NALF1: variants seen among roughly 807,000 people sequenced by gnomAD.
The protein encoded by NALF1 is family with sequence similarity 155 member A.
NALF1 carries 3 observed loss-of-function variants against 48.4 expected under a neutral mutation model. That is an observed-to-expected ratio of 0.06 (90% CI 0.03 to 0.16). The LOEUF (loss-of-function observed/expected upper bound fraction) is 0.16, where lower values mean the gene tolerates loss of function less well. Among genes scored for constraint, NALF1 ranks in the 10% least tolerant of loss-of-function variants. NALF1 has a pLI of 1.00. For missense variants in NALF1, 526 were observed against 571.5 expected (o/e 0.92, Z 0.81); for synonymous variants, 262 against 245.7 (o/e 1.07, Z -0.62).
intron 1 of NALF1, among the ~76,000 whole-genome samples, chr13:107,240,585 T>C (rs1255534825): frequency 1.3e-5 from 2 of 152,192 alleles, no homozygotes; most frequent in Non-Finnish European, 2.9e-5. Context: ...CCATTCAGAC[T>C]ACACCTTGGC....
intron 1 of NALF1, among the ~76,000 whole-genome samples, chr13:107,293,496 T>G (rs762104361): frequency 1.3e-5 from 2 of 152,140 alleles, no homozygotes; most frequent in Non-Finnish European, 2.9e-5. Context: ...ACTTCCCTAC[T>G]CCTTTCTCAC....
At chr13:107,801,889 C>T (rs991979046) in intron 1 of NALF1, among the ~76,000 whole-genome samples, 3 of 152,176 alleles carry the variant, frequency 2.0e-5, no homozygotes, top group Non-Finnish European at 4.4e-5. Flanking sequence ...TGAAATGATT[C>T]CGAATTACCC....
At chr13:107,763,306 A>G (rs1485582738) in intron 1 of NALF1, among the ~76,000 whole-genome samples, 1 of 152,094 alleles carries the variant, frequency 6.6e-6, no homozygotes, top group Non-Finnish European at 1.5e-5. Context: ...TAGCGACTCC[A>G]GTAAATTAAA....
intron 1 of NALF1, among the ~76,000 whole-genome samples, chr13:107,495,230 C>T (rs1875289864): frequency 6.6e-6 from 1 of 151,068 alleles, no homozygotes; most frequent in African/African-American, 2.4e-5. Context: ...ATACTACAAA[C>T]AATTGTGCTT....
chr13:107,271,519 G>A (rs1317044244), intron 1 of NALF1, among the ~76,000 whole-genome samples: 1 of 152,060 alleles, frequency 6.6e-6, no homozygotes, highest in Non-Finnish European at 1.5e-5. Flanking sequence ...CTAGACGACT[G>A]GGGCTGCAGA....
chr13:107,466,699 TGA>T (rs1885009285), intron 1 of NALF1: 1 of 152,216 alleles, frequency 6.6e-6, no homozygotes, highest in South Asian at 2.1e-4. Flanking sequence ...AAGCAGAGAT[TGA>T]GAGAGTTTAT....
At chr13:107,202,319 T>C (rs933750002) in intron 2 of NALF1, among the ~76,000 whole-genome samples, 30 of 150,798 alleles carry the variant, frequency 2.0e-4, no homozygotes, top group African/African-American at 6.5e-4. Context: ...TATCTATATA[T>C]AAATTGGATA....
chr13:107,810,787 T>C (rs1198760225), intron 1 of NALF1, among the ~76,000 whole-genome samples: 4 of 152,002 alleles, frequency 2.6e-5, no homozygotes, highest in Non-Finnish European at 4.4e-5. Flanking sequence ...TTCTTCTTTT[T>C]TGCATGCAAA....
At chr13:107,331,868 A>G (rs779711313) in intron 1 of NALF1, among the ~76,000 whole-genome samples, 5 of 152,180 alleles carry the variant, frequency 3.3e-5, no homozygotes, top group Admixed American at 6.5e-5. Context: ...AATTTTATAT[A>G]TCCTAAAATA....
intron 1 of NALF1, among the ~76,000 whole-genome samples, chr13:107,275,003 C>T (rs1185702694): frequency 1.3e-5 from 2 of 152,152 alleles, no homozygotes; most frequent in Admixed American, 6.6e-5. Context: ...ATGTTGCTCT[C>T]CTGCGGAACC....
chr13:107,822,748 A>C (rs1022624343), intron 1 of NALF1, among the ~76,000 whole-genome samples: 2 of 152,186 alleles, frequency 1.3e-5, no homozygotes, highest in South Asian at 2.1e-4. Context: ...CTAGAGTTAA[A>C]GGGATAAGTT....
At chr13:107,325,969 T>G (rs1320145231) in intron 1 of NALF1, among the ~76,000 whole-genome samples, 2 of 146,594 alleles carry the variant, frequency 1.4e-5, no homozygotes, top group Admixed American at 1.4e-4. Flanking sequence ...CACACATATA[T>G]ACAACACACA....
At chr13:107,408,419 A>C (rs947526344) in intron 1 of NALF1, among the ~76,000 whole-genome samples, 6 of 151,870 alleles carry the variant, frequency 4.0e-5, no homozygotes, top group Non-Finnish European at 4.4e-5. Context: ...CTATATACCC[A>C]CAATTTTTTT....
chr13:107,858,278 A>G (rs1338962512), intron 1 of NALF1, among the ~76,000 whole-genome samples: 1 of 152,266 alleles, frequency 6.6e-6, no homozygotes, highest in East Asian at 1.9e-4. Context: ...TAAAATGTAT[A>G]AGACAGTTAC....
intron 1 of NALF1, among the ~76,000 whole-genome samples, chr13:107,757,415 C>CT (rs3074821): frequency 0.032 from 3,407 of 107,872 alleles, 152 homozygotes; most frequent in African/African-American, 0.097. Flanking sequence ...GCCCTCATTT[C>CT]TTTTTTTTTT....
At chr13:107,471,867 T>C (rs1016949755) in intron 1 of NALF1, among the ~76,000 whole-genome samples, 8 of 152,218 alleles carry the variant, frequency 5.3e-5, no homozygotes, top group African/African-American at 1.9e-4. Flanking sequence ...ATTATTTTCT[T>C]TGAAAATGGC....
At chr13:107,492,032 GTTT>G (rs762750416) in intron 1 of NALF1, among the ~76,000 whole-genome samples, 1 of 103,372 alleles carries the variant, frequency 9.7e-6, no homozygotes, top group Non-Finnish European at 1.9e-5. Flanking sequence ...GCCTGTCTGG[GTTT>G]TTTTTTGTTT....
intron 2 of NALF1, among the ~76,000 whole-genome samples, chr13:107,198,842 T>A (rs1269628121): frequency 6.6e-6 from 1 of 152,222 alleles, no homozygotes; most frequent in Non-Finnish European, 1.5e-5. Context: ...TTCCTACATC[T>A]ATTCACATTG....
chr13:107,433,703 C>T (rs1017302868), intron 1 of NALF1, among the ~76,000 whole-genome samples: 2 of 151,894 alleles, frequency 1.3e-5, no homozygotes, highest in Non-Finnish European at 2.9e-5. Flanking sequence ...AATTTTGTGT[C>T]GTGATAGAAG....
Sources: allele counts gnomAD v4.1 joint callset (sites outside exome capture counted in the v4.1 genomes callset), GRCh38; gene constraint gnomAD v4.1.1; transcripts MANE v1.5; gene names NCBI Gene and HGNC (gene_info 2026-07-23, HGNC 2026-07-21).